Variants in FARSB observed in about 807,000 individuals in gnomAD.
The protein encoded by FARSB is phenylalanine--tRNA ligase beta subunit.
A neutral mutation model predicts 69.6 loss-of-function variants in FARSB; 40 were observed. The ratio of observed to expected loss-of-function variants is 0.57; its 90% confidence interval spans 0.45 to 0.75. The LOEUF (loss-of-function observed/expected upper bound fraction) is 0.75, where lower values mean the gene tolerates loss of function less well. FARSB is among the 30% of genes least tolerant of loss of function. The pLI is 0.00. For missense variants in FARSB, 632 were observed against 722.9 expected, an observed-to-expected ratio of 0.87 and a Z score of 1.44; for synonymous variants, 235 against 247.2, an observed-to-expected ratio of 0.95 and a Z score of 0.46.
At chr2:222,644,838 A>G (rs2106240438) in intron 2 of FARSB, among the ~76,000 whole-genome samples, 1 of 152,300 alleles carries the variant, frequency 6.6e-6, no homozygotes, top group South Asian at 2.1e-4. Flanking sequence ...GAGTAATGTG[A>G]ATGTAGTCTC....
chr2:222,619,551 C>A, intron 14 of FARSB, 94 bp downstream of exon 14: 1 of 661,194 alleles, frequency 1.5e-6, no homozygotes, highest in South Asian at 1.8e-5. Flanking sequence ...TCTAAGATTT[C>A]ACCATCTCAG....
At chr2:222,636,617 A>G (rs1381871416) in intron 5 of FARSB, among the ~76,000 whole-genome samples, 2 of 152,182 alleles carry the variant, frequency 1.3e-5, no homozygotes, top group East Asian at 3.8e-4. Flanking sequence ...ATATGAAAAA[A>G]CTAAAAATAT....
rs552560537 is a variant in FARSB at position 222,620,752 on chromosome 2, G to A, written c.1252-1015C>T. ...TGTACCATCAGATTATTGTACTATT[G>A]TCCAATGTTAGGCAATATTGTTCAT... On this transcript the variant is annotated intron_variant, in intron 13 of 16. Transcript: ENST00000281828. Among the ~76,000 whole-genome samples, 10 of 152,276 alleles carry A rather than the reference G, an allele frequency of 6.6e-5. No homozygotes were observed. In the South Asian group the frequency reaches 2.1e-3, roughly 32 times the overall value.
intron 10 of FARSB, among the ~76,000 whole-genome samples, chr2:222,627,041 A>G (rs918888663): frequency 1.3e-5 from 2 of 152,172 alleles, no homozygotes; most frequent in African/African-American, 4.8e-5. Flanking sequence ...ATCTCAAAAA[A>G]GAAAAAAGAA....
At position 222,613,832 on chromosome 2, in the gene FARSB, C is replaced by A. The variant is rs1408281754; in HGVS notation, c.1441G>T (p.Val481Leu). 1.3e-6 allele frequency: 2 copies of A among 1,593,432 alleles called. No individual in the cohort carries two copies. Among genetic ancestry groups the A allele is most frequent in the East Asian group, 4.5e-5 (2 of 44,780 alleles). The change falls in exon 15 of 17, where the codon GTA becomes TTA. Residue 481 changes from valine to leucine, a missense_variant. By Grantham distance (32) the Val-to-Leu change is conservative. Transcript: ENST00000281828. ...TTACCTGTATTAGAATCTTTTATTA[C>A]AATGTCAGAGATTTCAAACAGTTTC... The part of the protein sequence containing the change: ...PLKLFEISDI[V>L]IKDSNTDVGA...
At chr2:222,574,519 A>G (rs555946955) in intron 16 of FARSB, among the ~76,000 whole-genome samples, 1 of 152,282 alleles carries the variant, frequency 6.6e-6, no homozygotes, top group East Asian at 1.9e-4. Context: ...GACAGCACAT[A>G]CAGGAGCCTG....
intron 5 of FARSB, among the ~76,000 whole-genome samples, chr2:222,636,695 C>T (rs1460550979): frequency 1.3e-5 from 2 of 152,148 alleles, no homozygotes; most frequent in Admixed American, 6.5e-5. Context: ...AGAGCAGCAA[C>T]TGAAAGCTGA....
intron 2 of FARSB, among the ~76,000 whole-genome samples, chr2:222,643,660 A>G (rs1171792290): frequency 3.3e-5 from 5 of 152,220 alleles, no homozygotes. Context: ...TATAAAAACT[A>G]AAAACAGTCA....
chr2:222,654,787 T>C (rs1363896230), intron 1 of FARSB, among the ~76,000 whole-genome samples: 1 of 152,226 alleles, frequency 6.6e-6, no homozygotes, highest in East Asian at 1.9e-4. Context: ...AGTAATCTTA[T>C]TCTGGGAAGC....
intron 16 of FARSB, among the ~76,000 whole-genome samples, chr2:222,596,190 C>T (rs980136735): frequency 6.6e-6 from 1 of 152,134 alleles, no homozygotes; most frequent in African/African-American, 2.4e-5. Flanking sequence ...TTTCTGGGTG[C>T]TTTTGCAGAT....
intron 14 of FARSB, among the ~76,000 whole-genome samples, chr2:222,616,237 C>T (rs1690991724): frequency 6.6e-6 from 1 of 152,002 alleles, no homozygotes; most frequent in African/African-American, 2.4e-5. Flanking sequence ...ACATGAAAAG[C>T]ATATAAATCA....
intron 8 of FARSB, among the ~76,000 whole-genome samples, chr2:222,631,154 C>G (rs1691412169): frequency 6.6e-6 from 1 of 150,870 alleles, no homozygotes; most frequent in African/African-American, 2.4e-5. Context: ...TATCAATTTA[C>G]TAAATAAAGC....
intron 16 of FARSB, among the ~76,000 whole-genome samples, chr2:222,591,137 T>C (rs1323521426): frequency 4.7e-5 from 7 of 150,312 alleles, no homozygotes; most frequent in African/African-American, 1.5e-4. Flanking sequence ...TGCCTAGGAG[T>C]TGGAGGCTAC....
intron 3 of FARSB, among the ~76,000 whole-genome samples, chr2:222,642,002 T>TC (rs1417786587): frequency 3.3e-5 from 2 of 60,710 alleles, no homozygotes; most frequent in East Asian, 1.1e-3. Flanking sequence ...TTATCCTCTA[T>TC]CTTTTTTTTT....
chr2:222,613,469 C>T lies in FARSB; in HGVS notation c.1462+342G>A, dbSNP rs528772648. ...CTGAGGCACAAGTATCACTTGAACCCAGGAGGCAGAGGTTGCAGTGAGCTG... is the reference window on the plus strand; with the variant it reads ...CTGAGGCACAAGTATCACTTGAACCTAGGAGGCAGAGGTTGCAGTGAGCTG... On this transcript the variant is annotated intron_variant, in intron 15 of 16. Coordinates refer to ENST00000281828, the MANE Select transcript of FARSB (RefSeq NM_005687.5). 2.0e-4 allele frequency among the ~76,000 whole-genome samples: 30 copies of T among 152,168 alleles called. 1 individual carries two copies. The highest frequency in any genetic ancestry group is 4.0e-4 in the Non-Finnish European group (27 of 68,024).
chr2:222,632,566 T>G (rs1691459615), intron 7 of FARSB, among the ~76,000 whole-genome samples: 1 of 152,200 alleles, frequency 6.6e-6, no homozygotes, highest in Admixed American at 6.5e-5. Context: ...CATTAAGTTT[T>G]GTAAATACAT....
At chr2:222,603,681 AT>A (rs1221421870) in intron 15 of FARSB, among the ~76,000 whole-genome samples, 1 of 75,826 alleles carries the variant, frequency 1.3e-5, no homozygotes, top group African/African-American at 3.2e-5. Context: ...TTAATATTAT[AT>A]TATATATTAT....
chr2:222,579,110 A>G (rs1344882347), intron 16 of FARSB, among the ~76,000 whole-genome samples: 1 of 152,238 alleles, frequency 6.6e-6, no homozygotes, highest in South Asian at 2.1e-4. Flanking sequence ...CAGATGGGAA[A>G]AAGTGAAGCA....
At chr2:222,609,543 TA>T (rs746011247) in intron 15 of FARSB, among the ~76,000 whole-genome samples, 1 of 152,194 alleles carries the variant, frequency 6.6e-6, no homozygotes, top group Admixed American at 6.5e-5. Context: ...ACAAAATGCA[TA>T]AATCAGCTGA....
Sources: gnomAD v4.1 joint callset for allele counts (sites outside exome capture counted in the v4.1 genomes callset) on GRCh38, gnomAD v4.1.1 for gene constraint, MANE v1.5 for transcripts, NCBI Gene and HGNC (gene_info 2026-07-23, HGNC 2026-07-21) for gene names.